RIC1: variants seen among roughly 807,000 people sequenced by gnomAD.
RIC1 encodes the protein RIC1 partner of RAB6A GEF complex.
A neutral mutation model predicts 169.0 loss-of-function variants in RIC1; 88 were observed. That is an observed-to-expected ratio of 0.52 (90% CI 0.44 to 0.62). RIC1 has a LOEUF of 0.62. RIC1 is among the 20% of genes least tolerant of loss of function. RIC1 has a pLI of 0.00. For missense variants in RIC1, 1,877 were observed against 1,725.5 expected (o/e 1.09, Z -1.56); for synonymous variants, 790 against 601.5 (o/e 1.31, Z -4.59).
chr9:5,656,120 A>G (rs150047433), intron 1 of RIC1, among the ~76,000 whole-genome samples: 302 of 151,184 alleles, frequency 2.0e-3, no homozygotes, highest in African/African-American at 6.8e-3. Flanking sequence ...TCCGCCCACC[A>G]TGGCCTCCCA....
chr9:5,655,535 A>G (rs927895169), intron 1 of RIC1, among the ~76,000 whole-genome samples: 2 of 152,144 alleles, frequency 1.3e-5, no homozygotes, highest in African/African-American at 2.4e-5. Flanking sequence ...TCCTGACCTC[A>G]GGTGATCTGC....
rs113287332 is a variant in RIC1 at position 5,652,438 on chromosome 9, T to C, written c.145-4145T>C. Among the ~76,000 whole-genome samples, 320 of 152,332 alleles carry C rather than the reference T, an allele frequency of 2.1e-3. No homozygotes were observed. The Middle Eastern group carries it at 0.034, about 16-fold the overall frequency. ...TCTTTTACTTCTTCAATTAAATTTT[T>C]TGTTCTTTGGGTTTTTTTATAGCTA... On this transcript the variant is annotated intron_variant, in intron 1 of 25. Transcript: ENST00000414202.
At chr9:5,753,450 G>T in intron 13 of RIC1, 86 bp from the exon 14 acceptor site, 1 of 884,404 alleles carries the variant, frequency 1.1e-6, no homozygotes, top group Non-Finnish European at 1.8e-6. Context: ...TTAATTGTCT[G>T]TTTGCCTGAC....
At chr9:5,647,023 T>C (rs1818552207) in intron 1 of RIC1, among the ~76,000 whole-genome samples, 1 of 152,234 alleles carries the variant, frequency 6.6e-6, no homozygotes, top group African/African-American at 2.4e-5. Context: ...TTTTTTTACA[T>C]GTGGATATCC....
In RIC1 at chr9:5,710,022, T is replaced by G. The variant is rs78439592; in HGVS notation, c.333-3874T>G. 9.6e-3 allele frequency among the ~76,000 whole-genome samples: 1,463 copies of G among 152,284 alleles called. 11 individuals are homozygous for G. Among genetic ancestry groups the G allele is most frequent in the Non-Finnish European group, 0.015 (1,043 of 68,016 alleles). Reference sequence around the variant, plus strand: ...CAACAGAAAAAAAGCTGAAATAAAATTCCCATCTTTAATTTAAACTAGAGG... The same window carrying G: ...CAACAGAAAAAAAGCTGAAATAAAAGTCCCATCTTTAATTTAAACTAGAGG... On this transcript the variant is annotated intron_variant, in intron 3 of 25. Coordinates refer to ENST00000414202, the MANE Select transcript of RIC1 (RefSeq NM_020829.4).
chr9:5,753,999 G>A (rs768512999), intron 14 of RIC1, among the ~76,000 whole-genome samples: 85 of 152,288 alleles, frequency 5.6e-4, no homozygotes, highest in Middle Eastern at 6.8e-3. Context: ...TTCTGTGTGT[G>A]ATGTATATGG....
intron 2 of RIC1, among the ~76,000 whole-genome samples, chr9:5,678,251 T>G (rs1820580950): frequency 6.6e-6 from 1 of 152,246 alleles, no homozygotes. Flanking sequence ...CTATCATTGT[T>G]GGACATTTGG....
Position 5,700,483 on chromosome 9 carries a change from C to T in RIC1, c.332+10445C>T, listed in dbSNP as rs145018953. On this transcript the variant is annotated intron_variant, in intron 3 of 25. Coordinates refer to ENST00000414202, the MANE Select transcript of RIC1 (RefSeq NM_020829.4). Reference sequence around the variant, plus strand: ...AGCTCAAACTTTTAAGTTCCATCTACAAATCTTAAAAATCTATTCGTAAAT... The same window carrying T: ...AGCTCAAACTTTTAAGTTCCATCTATAAATCTTAAAAATCTATTCGTAAAT... 1.6e-3 allele frequency among the ~76,000 whole-genome samples: 249 copies of T among 152,124 alleles called. 1 individual carries two copies. Among genetic ancestry groups the T allele is most frequent in the African/African-American group, 5.9e-3 (243 of 41,518 alleles).
intron 17 of RIC1, among the ~76,000 whole-genome samples, chr9:5,760,197 A>C (rs1401375202): frequency 1.3e-5 from 2 of 152,224 alleles, no homozygotes; most frequent in Non-Finnish European, 2.9e-5. Flanking sequence ...TGAAACTCTC[A>C]TAGAGAATCA....
At chr9:5,771,282 T>G (rs1026769037) in intron 23 of RIC1, among the ~76,000 whole-genome samples, 1 of 152,192 alleles carries the variant, frequency 6.6e-6, no homozygotes, top group Non-Finnish European at 1.5e-5. Flanking sequence ...ATTTGACTAT[T>G]CTAGGTACTT....
intron 12 of RIC1, among the ~76,000 whole-genome samples, chr9:5,750,031 C>T (rs994566366): frequency 6.6e-6 from 1 of 151,968 alleles, no homozygotes; most frequent in African/African-American, 2.4e-5. Flanking sequence ...CCTGCCTCAG[C>T]CTCCCAAAGT....
At chr9:5,635,633 C>G (rs979816039) in intron 1 of RIC1, among the ~76,000 whole-genome samples, 1 of 152,094 alleles carries the variant, frequency 6.6e-6, no homozygotes, top group Non-Finnish European at 1.5e-5. Context: ...CTCTATTTCC[C>G]CACCCAAATT....
At position 5,763,420 on chromosome 9, in the gene RIC1, A is replaced by G. The variant is rs756088010; in HGVS notation, c.2393A>G (p.Tyr798Cys). 10 of 1,614,180 alleles carry G rather than the reference A, an allele frequency of 6.2e-6. No individual in the cohort carries two copies. In the East Asian group the frequency reaches 1.8e-4, roughly 29 times the overall value. ...GGTGCTGTCAATGACACTTTGCTCT[A>G]TGATTCTTTATATACTCGGAACAAT... ...VLGAVNDTLL[Y>C]DSLYTRNNAR... Residue 798 changes from tyrosine to cysteine, a missense_variant, in exon 19 of 26, where the codon TAT becomes TGT. This residue lies in a region of RIC1 where 1,104 missense variants were observed against 992.0 expected (regional missense o/e 1.11). Transcript: ENST00000414202. The surrounding 1 kb of genome is among the most constrained non-coding windows in gnomAD (Gnocchi z 5.2).
intron 6 of RIC1, 125 bp downstream of exon 6, chr9:5,720,875 C>G: frequency 2.4e-6 from 2 of 844,366 alleles, no homozygotes; most frequent in Non-Finnish European, 3.6e-6. Flanking sequence ...TTTAATCAAA[C>G]CAAACATATA....
At chr9:5,688,298 G>A (rs1311865714) in intron 2 of RIC1, among the ~76,000 whole-genome samples, 1 of 152,170 alleles carries the variant, frequency 6.6e-6, no homozygotes. Context: ...CCTTCTAAGT[G>A]TGCTGACCCA....
chr9:5,641,008 T>C (rs1317612740), intron 1 of RIC1, among the ~76,000 whole-genome samples: 1 of 152,040 alleles, frequency 6.6e-6, no homozygotes, highest in East Asian at 1.9e-4. Context: ...TTTGTTTCTT[T>C]TCTCTTGCCG....
At chr9:5,693,680 T>C (rs770114743) in intron 3 of RIC1, among the ~76,000 whole-genome samples, 1 of 152,176 alleles carries the variant, frequency 6.6e-6, no homozygotes, top group Non-Finnish European at 1.5e-5. Context: ...TAATTTGTGT[T>C]TAGCTTTAAA....
chr9:5,632,746 G>C (rs62557374), intron 1 of RIC1, among the ~76,000 whole-genome samples: 2 of 152,188 alleles, frequency 1.3e-5, no homozygotes, highest in Non-Finnish European at 2.9e-5. Context: ...ATTTATGATT[G>C]ACGTAGGTGT....
At chr9:5,728,372 G>C (rs1445169665) in intron 6 of RIC1, among the ~76,000 whole-genome samples, 1 of 152,242 alleles carries the variant, frequency 6.6e-6, no homozygotes, top group Non-Finnish European at 1.5e-5. Flanking sequence ...CTGGTGTGCT[G>C]TTTGCTAAGA....
Sources: allele counts gnomAD v4.1 joint callset (sites outside exome capture counted in the v4.1 genomes callset), GRCh38; gene constraint gnomAD v4.1.1; regional missense constraint gnomAD v4.1.1; non-coding constraint Gnocchi (gnomAD v3.1); transcripts MANE v1.5; gene names NCBI Gene and HGNC (gene_info 2026-07-23, HGNC 2026-07-21).